SPATA18: variants seen among roughly 807,000 people sequenced by gnomAD.
SPATA18 encodes mitochondria-eating protein.
A neutral mutation model predicts 68.1 loss-of-function variants in SPATA18; 54 were observed. The observed-to-expected ratio is 0.79, with a 90% CI of 0.64 to 0.99. The LOEUF is 0.99. Ranked by LOEUF, SPATA18 falls within the 50% of genes least tolerant of loss-of-function variation. SPATA18 has a pLI of 0.00. For missense variants in SPATA18, 724 were observed against 681.1 expected, an observed-to-expected ratio of 1.06 and a Z score of -0.70; for synonymous variants, 242 against 244.8, an observed-to-expected ratio of 0.99 and a Z score of 0.11.
chr4:52,094,932 C>T lies in SPATA18; in HGVS notation c.*45C>T. On this transcript the variant is annotated 3_prime_UTR_variant, in exon 13 of 13. Transcript: ENST00000295213. Reference sequence around the variant, plus strand: ...TTGACCCAGTGCGTGGAAACAGCTGCTTTCTCCAGTGCCGCCATCTGTCTT... The same window carrying T: ...TTGACCCAGTGCGTGGAAACAGCTGTTTTCTCCAGTGCCGCCATCTGTCTT... 1 of 1,613,028 alleles carries T rather than the reference C, an allele frequency of 6.2e-7. No individual in the cohort carries two copies. The highest frequency in any genetic ancestry group is 2.2e-5 in the East Asian group (1 of 44,886).
chr4:52,082,867 A>G, intron 10 of SPATA18: 1 of 985,394 alleles, frequency 1.0e-6, no homozygotes, highest in Non-Finnish European at 1.2e-6. Flanking sequence ...ATTAACTCTC[A>G]GGAAACGATT....
At chr4:52,070,933 C>T (rs17084249) in intron 5 of SPATA18, among the ~76,000 whole-genome samples, 2 of 150,914 alleles carry the variant, frequency 1.3e-5, no homozygotes, top group Non-Finnish European at 2.9e-5. Context: ...TTTTGATTAT[C>T]TTCGCATGTG....
chr4:52,084,427 T>C (rs764836742), intron 10 of SPATA18, among the ~76,000 whole-genome samples: 8 of 152,226 alleles, frequency 5.3e-5, no homozygotes, highest in Admixed American at 2.0e-4. Context: ...TTAGTGACTA[T>C]AGCTTTCTTC....
At chr4:52,064,636 C>T (rs2109431860) in intron 4 of SPATA18, among the ~76,000 whole-genome samples, 1 of 152,308 alleles carries the variant, frequency 6.6e-6, no homozygotes, top group Admixed American at 6.5e-5. Context: ...AGCAGTATTC[C>T]ATGGTGTATA....
intron 7 of SPATA18, 158 bp from the exon 8 acceptor site, chr4:52,078,577 A>G (rs943080808): frequency 2.6e-5 from 14 of 543,516 alleles, no homozygotes; most frequent in Admixed American, 6.7e-5. Context: ...AAAGTTAGAG[A>G]TGTATTTTCT....
At chr4:52,051,882 C>A in intron 1 of SPATA18, 91 bp downstream of exon 1, 1 of 1,234,438 alleles carries the variant, frequency 8.1e-7, no homozygotes, top group Non-Finnish European at 1.2e-6. Flanking sequence ...GAGTTGGTGG[C>A]CACTTTGCAA....
chr4:52,073,034 C>A (rs549928177), intron 6 of SPATA18, among the ~76,000 whole-genome samples: 1 of 152,150 alleles, frequency 6.6e-6, no homozygotes, highest in Non-Finnish European at 1.5e-5. Flanking sequence ...AACAACCCCC[C>A]TCAAGCCCCT....
intron 1 of SPATA18, among the ~76,000 whole-genome samples, chr4:52,054,068 A>G (rs1738127693): frequency 1.3e-5 from 2 of 152,184 alleles, no homozygotes; most frequent in Non-Finnish European, 2.9e-5. Context: ...GTCCAATAGA[A>G]CTTTCTATGA....
chr4:52,069,572 T>G (rs894929568), intron 4 of SPATA18, among the ~76,000 whole-genome samples: 9 of 152,162 alleles, frequency 5.9e-5, no homozygotes, highest in African/African-American at 2.2e-4. Context: ...ATACTAATAG[T>G]CTTTTGGGGG....
chr4:52,082,396 C>T lies in SPATA18; in HGVS notation c.1365C>T (p.Arg455=), dbSNP rs567554048. The T allele has an allele frequency of 3.7e-6, 6 of 1,613,928 alleles. No homozygotes were observed. Among genetic ancestry groups the T allele is most frequent in the Non-Finnish European group, 5.1e-6 (6 of 1,179,878 alleles). ...GEVFNDCKYR[R]SYDSDFTAPL... ...TGTATATTGAAAACAGATACCGCCG[C>T]AGCTACGACTCGGATTTCACTGCTC... Residue 455 remains arginine (R), a synonymous_variant, in exon 10 of 13, where the codon CGC becomes CGT. Coordinates refer to ENST00000295213, the MANE Select transcript of SPATA18 (RefSeq NM_145263.4).
chr4:52,094,849 A>G lies in SPATA18; in HGVS notation c.1610-31A>G, dbSNP rs200109771. 9 of 1,613,834 alleles carry G rather than the reference A, an allele frequency of 5.6e-6. No individual in the cohort carries two copies. In the African/African-American group the frequency reaches 9.3e-5, roughly 17 times the overall value. Reference sequence around the variant, plus strand: ...CAAAAGAAAATCGAAGAAAGTGACCATAATAATGAACTGTCTATTTTTCTC... The same window carrying G: ...CAAAAGAAAATCGAAGAAAGTGACCGTAATAATGAACTGTCTATTTTTCTC... On this transcript the variant is annotated intron_variant, in intron 12 of 12. Coordinates refer to ENST00000295213, the MANE Select transcript of SPATA18 (RefSeq NM_145263.4).
In SPATA18 at chr4:52,076,781, C is replaced by G; in HGVS notation, c.761C>G (p.Ser254Cys). ...GGCTGATTCTCGCTCACCAACAGGT[C>G]CTCCAGGAGCCGGTCTCCCAGCCCT... ...SAEKSALQGRSSRSRSPSPAP... is the reference protein window; with the variant it reads ...SAEKSALQGRCSRSRSPSPAP... The change falls in exon 7 of 13, where the codon TCC (serine) becomes TGC (cysteine). Residue 254 changes from serine to cysteine, a missense_variant and splice_region_variant. Coordinates refer to ENST00000295213, the MANE Select transcript of SPATA18 (RefSeq NM_145263.4). 6.2e-7 allele frequency: 1 copy of G among 1,612,966 alleles called. No homozygotes were observed. The highest frequency in any genetic ancestry group is 8.5e-7 in the Non-Finnish European group (1 of 1,179,294).
At chr4:52,068,299 T>C (rs1275988370) in intron 4 of SPATA18, among the ~76,000 whole-genome samples, 4 of 152,240 alleles carry the variant, frequency 2.6e-5, no homozygotes, top group African/African-American at 4.8e-5. Flanking sequence ...TTGCTTTCTT[T>C]TCATTTTTAG....
At chr4:52,091,723 G>A (rs1281698321) in intron 11 of SPATA18, among the ~76,000 whole-genome samples, 1 of 152,188 alleles carries the variant, frequency 6.6e-6, no homozygotes, top group Non-Finnish European at 1.5e-5. Flanking sequence ...CAGTTGGGAG[G>A]TGTCTCCCAG....
In SPATA18 at chr4:52,094,719, T is replaced by C; in HGVS notation, c.1609+147T>C. ...CACCTTTCATGTCTGGGCCTCTGGC[T>C]GATGGTACCCAGGCAGGTCCCATGG... On this transcript the variant is annotated intron_variant, in intron 12 of 12. Transcript: ENST00000295213. 3.1e-6 allele frequency: 4 copies of C among 1,278,810 alleles called. No homozygotes were observed. The South Asian group carries it at 3.7e-5, about 12-fold the overall frequency. 79.2% of individuals were successfully genotyped at this position (1,278,810 alleles called of 1,614,324 possible).
At chr4:52,067,479 C>T (rs187576791) in intron 4 of SPATA18, among the ~76,000 whole-genome samples, 2 of 152,292 alleles carry the variant, frequency 1.3e-5, no homozygotes, top group African/African-American at 4.8e-5. Flanking sequence ...GTGTCATCTC[C>T]TGTCACTTTC....
At chr4:52,060,573 T>C (rs1738746294) in intron 2 of SPATA18, 49 bp downstream of exon 2, 1 of 1,557,552 alleles carries the variant, frequency 6.4e-7, no homozygotes. Context: ...CCTTTCTCTC[T>C]TTTCTTGGTG....
At position 52,079,500 on chromosome 4, in the gene SPATA18, T is replaced by C. The variant is rs1232577264; in HGVS notation, c.1180-244T>C. Among the ~76,000 whole-genome samples, 4 of 152,362 alleles carry C rather than the reference T, an allele frequency of 2.6e-5. No individual in the cohort carries two copies. In the South Asian group the frequency reaches 8.3e-4, roughly 32 times the overall value. ...AAATAAAAGCCACAGAAGGTTTTTT[T>C]CCTTGCTTTTTTAGGACTCTCTTGG... On this transcript the variant is annotated intron_variant, in intron 8 of 12. Transcript: ENST00000295213.
chr4:52,058,819 C>T (rs1738580620), intron 1 of SPATA18, among the ~76,000 whole-genome samples: 1 of 152,162 alleles, frequency 6.6e-6, no homozygotes, highest in African/African-American at 2.4e-5. Context: ...CCAATCTCAG[C>T]TCTGATAATT....
Sources: allele counts gnomAD v4.1 joint callset (sites outside exome capture counted in the v4.1 genomes callset), GRCh38; gene constraint gnomAD v4.1.1; transcripts MANE v1.5; gene names NCBI Gene and HGNC (gene_info 2026-07-23, HGNC 2026-07-21).